The following FOXP2 variants were observed in gnomAD, a reference collection of about 807,000 sequenced individuals.
FOXP2 encodes the protein forkhead box protein P2.
In FOXP2, 12 loss-of-function variants were observed where a neutral mutation model predicts 115.8. The observed-to-expected ratio is 0.10, with a 90% CI of 0.07 to 0.17. The LOEUF (loss-of-function observed/expected upper bound fraction) is 0.17. FOXP2 is among the 10% of genes least tolerant of loss of function. FOXP2 has a pLI of 1.00. For missense variants in FOXP2, 629 were observed against 843.5 expected (o/e 0.75, Z 3.15); for synonymous variants, 328 against 297.7 (o/e 1.10, Z -1.05).
intron 2 of FOXP2, among the ~76,000 whole-genome samples, chr7:114,427,339 G>T (rs1324131337): frequency 1.3e-5 from 2 of 150,586 alleles, no homozygotes; most frequent in Non-Finnish European, 3.0e-5. Context: ...CAAAATAAAG[G>T]TACACTTTTA....
chr7:114,371,397 A>C (rs1004057765), intron 2 of FOXP2, among the ~76,000 whole-genome samples: 9 of 152,022 alleles, frequency 5.9e-5, no homozygotes, highest in South Asian at 2.1e-4. Flanking sequence ...ACAACTTAAT[A>C]CTTCTGTTTT....
chr7:114,284,422 A>G (rs1248643203), intron 1 of FOXP2, among the ~76,000 whole-genome samples: 1 of 151,990 alleles, frequency 6.6e-6, no homozygotes, highest in Admixed American at 6.6e-5. Context: ...ATATAAGAGA[A>G]CTCTAGTTAG....
chr7:114,452,909 C>A (rs2129219766), intron 2 of FOXP2, among the ~76,000 whole-genome samples: 1 of 152,146 alleles, frequency 6.6e-6, no homozygotes, highest in African/African-American at 2.4e-5. Flanking sequence ...GTCTTCTTTG[C>A]AAGTCTAAGA....
chr7:114,535,068 CAAAG>C (rs1348310680), intron 3 of FOXP2, among the ~76,000 whole-genome samples: 2 of 151,608 alleles, frequency 1.3e-5, no homozygotes, highest in East Asian at 3.9e-4. Flanking sequence ...TGGAAGGAAA[CAAAG>C]AAGTCTTAGA....
chr7:114,583,297 T>C (rs1801962397), intron 3 of FOXP2, among the ~76,000 whole-genome samples: 1 of 152,100 alleles, frequency 6.6e-6, no homozygotes, highest in Non-Finnish European at 1.5e-5. Flanking sequence ...GAGAATCCCT[T>C]TAACCCGGAG....
intron 3 of FOXP2, among the ~76,000 whole-genome samples, chr7:114,595,616 C>A (rs1029085835): frequency 1.3e-5 from 2 of 151,902 alleles, no homozygotes; most frequent in African/African-American, 2.4e-5. Flanking sequence ...AGGATTTTAT[C>A]GTTTTATTCA....
intron 2 of FOXP2, among the ~76,000 whole-genome samples, chr7:114,327,801 C>CTTTTGTTTTG (rs3997271): frequency 8.7e-5 from 13 of 150,122 alleles, no homozygotes; most frequent in Admixed American, 2.0e-4. Context: ...CGCCTGGCCT[C>CTTTTGTTTTG]TTTTGTTTTG....
chr7:114,650,739 G>T (rs1286951442), intron 8 of FOXP2, among the ~76,000 whole-genome samples: 1 of 151,850 alleles, frequency 6.6e-6, no homozygotes, highest in African/African-American at 2.4e-5. Context: ...TAGTGGAAGT[G>T]CCTCCCCTGC....
chr7:114,366,344 T>A (rs1791881774), intron 2 of FOXP2, among the ~76,000 whole-genome samples: 1 of 152,206 alleles, frequency 6.6e-6, no homozygotes, highest in Non-Finnish European at 1.5e-5. Flanking sequence ...TCCCCTTGTG[T>A]GTTCTAATCA....
intron 2 of FOXP2, among the ~76,000 whole-genome samples, chr7:114,298,910 G>A (rs1055229168): frequency 5.3e-5 from 8 of 152,100 alleles, no homozygotes; most frequent in Admixed American, 3.3e-4. Context: ...ATAGAGGCAC[G>A]TGGAGTAAGG....
At chr7:114,434,541 G>A (rs960419287) in intron 2 of FOXP2, among the ~76,000 whole-genome samples, 12 of 151,560 alleles carry the variant, frequency 7.9e-5, no homozygotes, top group African/African-American at 2.7e-4. Context: ...GAGAAACAAG[G>A]AATAGATATA....
At chr7:114,448,437 T>C (rs111486142) in intron 2 of FOXP2, among the ~76,000 whole-genome samples, 2,404 of 152,210 alleles carry the variant, frequency 0.016, 39 homozygotes, top group Non-Finnish European at 0.025. Context: ...GTACTTCAAG[T>C]GTCACCATAA....
rs66836962 is a variant in FOXP2 at position 114,349,671 on chromosome 7, C to CTGTG, written c.-11+61578_-11+61581dup. Among the ~76,000 whole-genome samples the CTGTG allele has an allele frequency of 1.1e-3, 162 of 149,640 alleles. 1 individual carries two copies. The highest frequency in any genetic ancestry group is 2.1e-3 in the South Asian group (10 of 4,764). On this transcript the variant is annotated intron_variant, in intron 2 of 17. Transcript: ENST00000634411. ...ACAAAAAACACAGGTGTGTGTGTGT[C>CTGTG]TGTGTGTGTGTGTGTGTGTTCTGCC... is the stretch of plus-strand genomic sequence containing the variant.
intron 2 of FOXP2, among the ~76,000 whole-genome samples, chr7:114,327,490 T>C (rs189991581): frequency 6.6e-6 from 1 of 152,176 alleles, no homozygotes; most frequent in East Asian, 1.9e-4. Flanking sequence ...TTAACAGTTA[T>C]TTTACTTTGT....
intron 2 of FOXP2, among the ~76,000 whole-genome samples, chr7:114,513,374 G>A (rs901943475): frequency 1.3e-5 from 2 of 151,882 alleles, no homozygotes; most frequent in East Asian, 3.9e-4. Flanking sequence ...AATTAGTAAG[G>A]GTATCAAAAT....
chr7:114,273,419 G>A (rs1796114356), intron 1 of FOXP2, among the ~76,000 whole-genome samples: 1 of 151,864 alleles, frequency 6.6e-6, no homozygotes, highest in Admixed American at 6.6e-5. Context: ...TATTCTGCTG[G>A]TATTATTGGC....
At chr7:114,377,005 T>C (rs1792155420) in intron 2 of FOXP2, among the ~76,000 whole-genome samples, 1 of 152,172 alleles carries the variant, frequency 6.6e-6, no homozygotes, top group South Asian at 2.1e-4. Context: ...GAGGATTAAC[T>C]GATAAAGTGC....
chr7:114,342,438 C>T (rs1358345153), intron 2 of FOXP2, among the ~76,000 whole-genome samples: 1 of 151,248 alleles, frequency 6.6e-6, no homozygotes, highest in Non-Finnish European at 1.5e-5. Context: ...AATCATTGGA[C>T]CTTTTCATAT....
chr7:114,556,974 C>T (rs1157644183), intron 3 of FOXP2, among the ~76,000 whole-genome samples: 1 of 152,046 alleles, frequency 6.6e-6, no homozygotes, highest in African/African-American at 2.4e-5. Flanking sequence ...TGTTACTATG[C>T]TGTTTTATTC....
Sources: gnomAD v4.1 joint callset for allele counts (sites outside exome capture counted in the v4.1 genomes callset) on GRCh38, gnomAD v4.1.1 for gene constraint, MANE v1.5 for transcripts, NCBI Gene and HGNC (gene_info 2026-07-23, HGNC 2026-07-21) for gene names.